The following ULK4 variants were observed in gnomAD, a reference collection of about 807,000 sequenced individuals.
ULK4 encodes the protein unc-51 like kinase 4.
ULK4 carries 133 observed loss-of-function variants against 160.6 expected under a neutral mutation model. The ratio of observed to expected loss-of-function variants is 0.83; its 90% CI spans 0.72 to 0.96. ULK4 has a LOEUF of 0.96. Among genes scored for constraint, ULK4 ranks in the 40% least tolerant of loss-of-function variants. ULK4 has a pLI of 0.00. For synonymous variants in ULK4, 534 were observed against 539.8 expected (o/e 0.99, Z 0.15); for missense variants, 1,580 against 1,499.5 (o/e 1.05, Z -0.89).
intron 33 of ULK4, among the ~76,000 whole-genome samples, chr3:41,456,584 G>A (rs1007268802): frequency 6.6e-6 from 1 of 152,074 alleles, no homozygotes; most frequent in Non-Finnish European, 1.5e-5. Flanking sequence ...TTCTCGCAGG[G>A]GTTTTATAGA....
At chr3:41,952,433 G>C (rs1030184847) in intron 2 of ULK4, among the ~76,000 whole-genome samples, 3 of 152,244 alleles carry the variant, frequency 2.0e-5, no homozygotes, top group Middle Eastern at 3.4e-3. Flanking sequence ...CTCCAAAGGA[G>C]ATATACAAAT....
At chr3:41,902,390 C>T (rs780548278) in intron 12 of ULK4, among the ~76,000 whole-genome samples, 9 of 151,852 alleles carry the variant, frequency 5.9e-5, no homozygotes, top group Non-Finnish European at 1.3e-4. Context: ...CCAGCCTGAC[C>T]AACATGGTGA....
chr3:41,555,331 G>C (rs994217248), intron 32 of ULK4, among the ~76,000 whole-genome samples: 1 of 137,716 alleles, frequency 7.3e-6, no homozygotes, highest in African/African-American at 2.6e-5. Flanking sequence ...AAAAAAAAAA[G>C]CAATCCCATT....
chr3:41,906,900 G>A (rs2148798211), intron 12 of ULK4, among the ~76,000 whole-genome samples: 2 of 152,246 alleles, frequency 1.3e-5, no homozygotes, highest in South Asian at 2.1e-4. Flanking sequence ...GGCTGAGGCA[G>A]GAGAATTGCT....
At chr3:41,943,414 C>T (rs1387453202) in intron 2 of ULK4, among the ~76,000 whole-genome samples, 1 of 152,110 alleles carries the variant, frequency 6.6e-6, no homozygotes, top group Non-Finnish European at 1.5e-5. Flanking sequence ...TGACCATATA[C>T]ACGCACTTTC....
chr3:41,574,932 C>A (rs2088135496), intron 31 of ULK4, among the ~76,000 whole-genome samples: 1 of 132,784 alleles, frequency 7.5e-6, no homozygotes, highest in South Asian at 2.3e-4. Flanking sequence ...ACAGGAAACA[C>A]TGGTTCACGT....
chr3:41,508,436 G>A (rs1392294218), intron 32 of ULK4, among the ~76,000 whole-genome samples: 5 of 152,044 alleles, frequency 3.3e-5, no homozygotes, highest in African/African-American at 1.2e-4. Context: ...TACTTAACCT[G>A]GCAACCCTAA....
intron 27 of ULK4, among the ~76,000 whole-genome samples, chr3:41,700,258 T>C (rs1267948818): frequency 3.9e-5 from 6 of 152,152 alleles, no homozygotes. Context: ...CATGAGAGCA[T>C]GGAGCTGACT....
At chr3:41,570,802 G>T (rs2087947306) in intron 31 of ULK4, among the ~76,000 whole-genome samples, 1 of 152,096 alleles carries the variant, frequency 6.6e-6, no homozygotes, top group African/African-American at 2.4e-5. Flanking sequence ...CACAGAATCA[G>T]ATCCCAGCCA....
intron 21 of ULK4, among the ~76,000 whole-genome samples, chr3:41,764,581 A>C (rs1371125108): frequency 6.6e-6 from 1 of 152,196 alleles, no homozygotes; most frequent in Non-Finnish European, 1.5e-5. Flanking sequence ...GAAAACAAAA[A>C]ACTTAAAAGA....
At chr3:41,360,633 G>A (rs2081123368) in intron 35 of ULK4, among the ~76,000 whole-genome samples, 1 of 152,156 alleles carries the variant, frequency 6.6e-6, no homozygotes, top group Non-Finnish European at 1.5e-5. Context: ...GTTGGAGCTG[G>A]AAGCCATTAC....
At chr3:41,304,140 G>A (rs2079853615) in intron 35 of ULK4, among the ~76,000 whole-genome samples, 1 of 152,004 alleles carries the variant, frequency 6.6e-6, no homozygotes, top group Non-Finnish European at 1.5e-5. Flanking sequence ...AGACGTGGTG[G>A]TGGGCACCTG....
At chr3:41,378,263 C>T (rs2081557408) in intron 35 of ULK4, among the ~76,000 whole-genome samples, 2 of 147,320 alleles carry the variant, frequency 1.4e-5, no homozygotes, top group African/African-American at 2.5e-5. Context: ...TTGGGAGATA[C>T]ACCTAATGCT....
chr3:41,506,764 T>TTAAAAAAAAAAAAAAAAAA (rs1553684746), intron 32 of ULK4, among the ~76,000 whole-genome samples: 1 of 19,924 alleles, frequency 5.0e-5, no homozygotes, highest in Non-Finnish European at 9.1e-5. Flanking sequence ...GAGTGTGATT[T>TTAAAAAAAAAAAAAAAAAA]AAAATATATA....
rs369783434 is a variant in ULK4 at position 41,503,224 on chromosome 3, C to G, written c.3227-39971G>C. ...GTCAATTAACTTCAACTTCAGTCTT[C>G]TAGAAGAAAGTAAGGCTTTTCTCGG... On this transcript the variant is annotated intron_variant, in intron 32 of 36. Coordinates refer to ENST00000301831, the MANE Select transcript of ULK4 (RefSeq NM_017886.4). Among the ~76,000 whole-genome samples, 16 of 152,292 alleles carry G rather than the reference C, an allele frequency of 1.1e-4. No individual in the cohort carries two copies. In the Middle Eastern group the frequency reaches 0.017, roughly 162 times the overall value.
intron 30 of ULK4, among the ~76,000 whole-genome samples, chr3:41,631,188 T>C (rs759989829): frequency 7.2e-5 from 11 of 152,208 alleles, no homozygotes; most frequent in Admixed American, 2.0e-4. Flanking sequence ...GCAGAAGTCT[T>C]ACCATTAAGG....
At chr3:41,550,944 A>G (rs2087038550) in intron 32 of ULK4, among the ~76,000 whole-genome samples, 1 of 152,096 alleles carries the variant, frequency 6.6e-6, no homozygotes, top group South Asian at 2.1e-4. Context: ...TTCTCAGAAC[A>G]TAATGGAGTA....
chr3:41,306,287 C>T (rs2079931172), intron 35 of ULK4, among the ~76,000 whole-genome samples: 1 of 126,094 alleles, frequency 7.9e-6, no homozygotes, highest in Non-Finnish European at 1.6e-5. Flanking sequence ...TGCCCGGCCG[C>T]CCCTACTGGG....
At chr3:41,500,888 C>T (rs1197609948) in intron 32 of ULK4, among the ~76,000 whole-genome samples, 1 of 152,136 alleles carries the variant, frequency 6.6e-6, no homozygotes, top group Non-Finnish European at 1.5e-5. Context: ...GGATTTTTTA[C>T]ATGTCTTTGT....
Sources: gnomAD v4.1 joint callset for allele counts (sites outside exome capture counted in the v4.1 genomes callset) on GRCh38, gnomAD v4.1.1 for gene constraint, MANE v1.5 for transcripts, NCBI Gene and HGNC (gene_info 2026-07-23, HGNC 2026-07-21) for gene names.